Variants in DLGAP1 observed in about 807,000 individuals in gnomAD.
The protein encoded by DLGAP1 is disks large-associated protein 1.
A neutral mutation model predicts 90.8 loss-of-function variants in DLGAP1; 11 were observed. That is an observed-to-expected ratio of 0.12 (90% CI 0.08 to 0.20). The LOEUF is 0.20. DLGAP1 is among the 10% of genes least tolerant of loss of function. The probability of loss-of-function intolerance (pLI) is 1.00; values close to 1 mark genes in which losing one functional copy is unlikely to be tolerated. For missense variants in DLGAP1, 1,050 were observed against 1,333.8 expected, an observed-to-expected ratio of 0.79 and a Z score of 3.31; for synonymous variants, 558 against 540.7, an observed-to-expected ratio of 1.03 and a Z score of -0.44.
chr18:4,017,428 A>G (rs1339902117), intron 2 of DLGAP1, among the ~76,000 whole-genome samples: 3 of 152,128 alleles, frequency 2.0e-5, no homozygotes, highest in Non-Finnish European at 4.4e-5. Flanking sequence ...TTCAGCATAA[A>G]TAAAATAATT....
In DLGAP1 at chr18:3,600,943, G is replaced by T. The variant is rs1463657395; in HGVS notation, c.1592-18695C>A. Among the ~76,000 whole-genome samples, 32 of 70,444 alleles carry T rather than the reference G, an allele frequency of 4.5e-4. 3 individuals carry two copies. The highest frequency in any genetic ancestry group is 8.2e-4 in the African/African-American group (16 of 19,458). The allele number at this position is 70,444 out of a possible 152,430, so 46.2% of individuals were successfully genotyped here. ...ATAGATATATATAGATATATAGATAGATATATAGATATATATAGATATATA... is the reference window on the plus strand; with the variant it reads ...ATAGATATATATAGATATATAGATATATATATAGATATATATAGATATATA... On this transcript the variant is annotated intron_variant, in intron 7 of 12. Coordinates refer to ENST00000315677, the MANE Select transcript of DLGAP1 (RefSeq NM_004746.4).
chr18:3,773,754 T>G (rs1160835715), intron 5 of DLGAP1, among the ~76,000 whole-genome samples: 2 of 152,216 alleles, frequency 1.3e-5, no homozygotes, highest in Non-Finnish European at 2.9e-5. Flanking sequence ...GTAAATCTAT[T>G]TCACTGTGTT....
chr18:3,526,047 C>T lies in DLGAP1; in HGVS notation c.2479+8147G>A, dbSNP rs1306087381. On this transcript the variant is annotated intron_variant, in intron 10 of 12. Transcript: ENST00000315677. This position sits in a 1 kb window ranked among gnomAD's most constrained non-coding sequence, Gnocchi z 4.7. ...CAGCCGATTTCCTTTTCATTACTGC[C>T]ACTTCCTCTGCGGTCACTAATTTCA... is the stretch of plus-strand genomic sequence containing the variant. Among the ~76,000 whole-genome samples, 1 of 152,200 alleles carries T rather than the reference C, an allele frequency of 6.6e-6. No individual in the cohort carries two copies. Among genetic ancestry groups the T allele is most frequent in the Non-Finnish European group, 1.5e-5 (1 of 68,034 alleles).
intron 3 of DLGAP1, among the ~76,000 whole-genome samples, chr18:3,975,225 T>C (rs1447258476): frequency 6.6e-6 from 1 of 152,038 alleles, no homozygotes; most frequent in African/African-American, 2.4e-5. Flanking sequence ...TATAAATACA[T>C]ATGCAAAACA....
intron 1 of DLGAP1, among the ~76,000 whole-genome samples, chr18:4,336,151 C>T (rs1364691461): frequency 6.6e-5 from 10 of 152,246 alleles, no homozygotes; most frequent in African/African-American, 1.7e-4. Flanking sequence ...ACACACCATT[C>T]ATAGGTACTT....
At chr18:3,524,112 G>T (rs1273691254) in intron 10 of DLGAP1, among the ~76,000 whole-genome samples, 1 of 151,844 alleles carries the variant, frequency 6.6e-6, no homozygotes, top group African/African-American at 2.4e-5. Flanking sequence ...CCACAAATAA[G>T]AATTTTTAAA....
At chr18:3,568,059 C>T (rs891119348) in intron 8 of DLGAP1, among the ~76,000 whole-genome samples, 3 of 151,978 alleles carry the variant, frequency 2.0e-5, no homozygotes, top group African/African-American at 4.8e-5. Flanking sequence ...CCACCATGTC[C>T]GGCTAATTTT....
At chr18:3,936,307 C>T (rs2072637747) in intron 3 of DLGAP1, among the ~76,000 whole-genome samples, 2 of 152,254 alleles carry the variant, frequency 1.3e-5, no homozygotes, top group Non-Finnish European at 2.9e-5. Context: ...GCCTGGGCCT[C>T]TCTCAGCTCC....
chr18:4,109,983 T>G (rs986562673), intron 2 of DLGAP1, among the ~76,000 whole-genome samples: 1 of 151,484 alleles, frequency 6.6e-6, no homozygotes, highest in African/African-American at 2.4e-5. Flanking sequence ...TACATATATG[T>G]TTCACATGTG....
chr18:4,448,540 C>G (rs1170872388), intron 1 of DLGAP1, among the ~76,000 whole-genome samples: 3 of 152,108 alleles, frequency 2.0e-5, no homozygotes, highest in Admixed American at 1.3e-4. Context: ...TTATTATGCA[C>G]CATAGTTTAT....
chr18:3,626,831 G>A (rs899915659), intron 7 of DLGAP1, among the ~76,000 whole-genome samples: 32 of 151,442 alleles, frequency 2.1e-4, no homozygotes, highest in Admixed American at 1.8e-3. Context: ...CCGGGAGGGC[G>A]GAGGCTGCAG....
chr18:4,027,961 G>A (rs1396746542), intron 2 of DLGAP1, among the ~76,000 whole-genome samples: 1 of 152,092 alleles, frequency 6.6e-6, no homozygotes, highest in Non-Finnish European at 1.5e-5. Flanking sequence ...TCCTCAAATG[G>A]CCCTTGATAA....
At chr18:3,749,112 CTCCTCCTCCTCT>C (rs1196598058) in intron 5 of DLGAP1, among the ~76,000 whole-genome samples, 2 of 150,438 alleles carry the variant, frequency 1.3e-5, no homozygotes, top group Admixed American at 6.6e-5. Flanking sequence ...TCTCCTTCTC[CTCCTCCTCCTCT>C]TCCTCCTCCT....
Position 3,879,340 on chromosome 18 carries a change from G to A in DLGAP1, c.729C>T (p.Ile243=). ...GGGAGGCCTTCACCGCCTGCTCGCT[G>A]ATGGTGTTGTAGGCCTCCAGGAAGT... ...SQYFLEAYNT[I]SEQAVKASRS... is the part of the protein sequence containing the mutation. Residue 243 remains isoleucine, a synonymous_variant, in exon 4 of 13, where the codon ATC becomes ATT. Coordinates refer to ENST00000315677, the MANE Select transcript of DLGAP1 (RefSeq NM_004746.4). This position sits in a 1 kb window ranked among gnomAD's most constrained non-coding sequence, Gnocchi z 6.6. The A allele has an allele frequency of 6.2e-7, 1 of 1,609,456 alleles. No individual in the cohort carries two copies. Among genetic ancestry groups the A allele is most frequent in the South Asian group, 1.1e-5 (1 of 90,552 alleles).
intron 9 of DLGAP1, among the ~76,000 whole-genome samples, chr18:3,563,242 T>C (rs568827815): frequency 2.0e-5 from 3 of 152,316 alleles, no homozygotes; most frequent in South Asian, 4.1e-4. Flanking sequence ...GTGTAGTTTT[T>C]TGGTTTGTGT....
chr18:4,252,284 C>T (rs1051740310), intron 1 of DLGAP1, among the ~76,000 whole-genome samples: 18 of 152,160 alleles, frequency 1.2e-4, no homozygotes, highest in Non-Finnish European at 7.3e-5. Context: ...TTTTGTAATT[C>T]TGAGGTTGTG....
At chr18:4,326,332 A>G (rs2080816981) in intron 1 of DLGAP1, among the ~76,000 whole-genome samples, 1 of 152,144 alleles carries the variant, frequency 6.6e-6, no homozygotes, top group Admixed American at 6.5e-5. Context: ...TATTATTAAA[A>G]AGACAATAAA....
chr18:3,758,894 A>G (rs1249370001), intron 5 of DLGAP1, among the ~76,000 whole-genome samples: 1 of 152,182 alleles, frequency 6.6e-6, no homozygotes, highest in East Asian at 1.9e-4. Flanking sequence ...TTCCTTAAAC[A>G]TTAATTTTCC....
chr18:4,425,449 G>A (rs1028274142), intron 1 of DLGAP1, among the ~76,000 whole-genome samples: 2 of 152,172 alleles, frequency 1.3e-5, no homozygotes, highest in African/African-American at 4.8e-5. Flanking sequence ...CAGTCATGAT[G>A]ACAGGACACA....
Sources: gnomAD v4.1 joint callset for allele counts (sites outside exome capture counted in the v4.1 genomes callset) on GRCh38, gnomAD v4.1.1 for gene constraint, Gnocchi (gnomAD v3.1) non-coding constraint, MANE v1.5 for transcripts, NCBI Gene and HGNC (gene_info 2026-07-23, HGNC 2026-07-21) for gene names.